Variants in SEMA4D observed in about 807,000 individuals in gnomAD.
The protein encoded by SEMA4D is semaphorin 4D.
Under a neutral mutation model 74.8 loss-of-function variants are expected in SEMA4D, and 22 were observed. The observed-to-expected ratio is 0.29, with a 90% CI of 0.21 to 0.42. The LOEUF (loss-of-function observed/expected upper bound fraction) is 0.42. SEMA4D is among the 10% of genes least tolerant of loss of function. The pLI is 1.00. For missense variants in SEMA4D, 937 were observed against 1,118.4 expected (o/e 0.84, Z 2.31); for synonymous variants, 445 against 463.7 (o/e 0.96, Z 0.52).
rs1017220300 is a variant in SEMA4D at position 89,397,072 on chromosome 9, C to T, written c.316-237G>A. Among the ~76,000 whole-genome samples the T allele has an allele frequency of 1.4e-4, 22 of 152,296 alleles. No individual in the cohort carries two copies. In the Middle Eastern group the frequency reaches 0.01, roughly 71 times the overall value. ...TCGTACAGTGGAAGGTTCACTGAGA[C>T]CCCAACCCCACCCCTAGGCAAACCT... On this transcript the variant is annotated intron_variant, in intron 5 of 15. Coordinates refer to ENST00000422704, the MANE Select transcript of SEMA4D (RefSeq NM_001371194.2).
At chr9:89,461,416 G>A (rs1437931337) in intron 1 of SEMA4D, among the ~76,000 whole-genome samples, 1 of 152,126 alleles carries the variant, frequency 6.6e-6, no homozygotes, top group Non-Finnish European at 1.5e-5. Context: ...AATAGATAAA[G>A]CAGCACTCGG....
intron 11 of SEMA4D, 133 bp downstream of exon 11, chr9:89,388,503 G>C: frequency 9.4e-7 from 1 of 1,068,116 alleles, no homozygotes; most frequent in East Asian, 2.7e-5. Flanking sequence ...CTCATCGGCC[G>C]TCCCTGTCCC....
Position 89,389,025 on chromosome 9 carries a change from G to A in SEMA4D, c.797C>T (p.Thr266Ile), listed in dbSNP as rs758200365. The A allele has an allele frequency of 3.7e-6, 6 of 1,613,990 alleles. No individual in the cohort carries two copies. Among genetic ancestry groups the A allele is most frequent in the Non-Finnish European group, 5.1e-6 (6 of 1,180,016 alleles). Reference protein sequence around the residue: ...VCKGDQGGLRTLQKKWTSFLK... With the variant: ...VCKGDQGGLRILQKKWTSFLK... The stretch of plus-strand genomic sequence containing the variant: ...GAAGGAGGTCCATTTCTTCTGCAAG[G>A]TCCTCAGGCCGCCCTGGTCCCCCTA... Residue 266 changes from threonine (T) to isoleucine (I), a missense_variant, in exon 10 of 16, where the codon ACC becomes ATC. Coordinates refer to ENST00000422704, the MANE Select transcript of SEMA4D (RefSeq NM_001371194.2).
chr9:89,439,260 A>G (rs1328982006), intron 2 of SEMA4D, among the ~76,000 whole-genome samples: 1 of 152,152 alleles, frequency 6.6e-6, no homozygotes, highest in Non-Finnish European at 1.5e-5. Context: ...GATTACAGGC[A>G]TGAGCCACCG....
chr9:89,378,905 T>C lies in SEMA4D; in HGVS notation c.2388A>G (p.Pro796=). The C allele has an allele frequency of 1.2e-6, 2 of 1,614,234 alleles. No individual in the cohort carries two copies. The highest frequency in any genetic ancestry group is 1.6e-4 in the Middle Eastern group (1 of 6,062). The change falls in exon 16 of 16, where the codon CCA becomes CCG. Residue 796 remains proline, a synonymous_variant. Coordinates refer to ENST00000422704, the MANE Select transcript of SEMA4D (RefSeq NM_001371194.2). ...EQSLKETLVE[P]GSFSQQNGEH... ...CCCCATTCTGCTGGGAGAAGCTCCCTGGCTCTACTAACGTCTCCTTCAGGC... is the reference window on the plus strand; with the variant it reads ...CCCCATTCTGCTGGGAGAAGCTCCCCGGCTCTACTAACGTCTCCTTCAGGC...
intron 2 of SEMA4D, among the ~76,000 whole-genome samples, chr9:89,426,697 C>T (rs1344829185): frequency 6.6e-6 from 1 of 152,182 alleles, no homozygotes; most frequent in Non-Finnish European, 1.5e-5. Context: ...CTACCAGCCC[C>T]CAAAGCCCCT....
intron 12 of SEMA4D, chr9:89,387,076 GC>G (rs1838691640): frequency 6.3e-6 from 2 of 317,830 alleles, no homozygotes; most frequent in Non-Finnish European, 1.2e-5. Context: ...GCTCACACCT[GC>G]CCCCTGCGTG....
At chr9:89,385,687 G>T in intron 13 of SEMA4D, 1 of 542,192 alleles carries the variant, frequency 1.8e-6, no homozygotes, top group Non-Finnish European at 2.4e-6. Context: ...AGGGGTGTTT[G>T]CAAATACGCA....
chr9:89,388,014 C>A (rs1447274537), intron 11 of SEMA4D, among the ~76,000 whole-genome samples: 2 of 152,180 alleles, frequency 1.3e-5, no homozygotes, highest in Non-Finnish European at 2.9e-5. Flanking sequence ...TTTTCCTGTT[C>A]TAGCTCCCTG....
intron 1 of SEMA4D, among the ~76,000 whole-genome samples, chr9:89,478,631 C>T (rs1282828192): frequency 1.3e-5 from 2 of 152,084 alleles, no homozygotes; most frequent in African/African-American, 4.8e-5. Context: ...AGAAAGCCCC[C>T]AATACACAGA....
At position 89,477,000 on chromosome 9, in the gene SEMA4D, G is replaced by A. The variant is rs76678464; in HGVS notation, c.-310+20919C>T. ...GTACTACCATGTCAAATTCTCCCCAGGCCATTTCACTTTAGACAAGCTGGA... is the reference window on the plus strand; with the variant it reads ...GTACTACCATGTCAAATTCTCCCCAAGCCATTTCACTTTAGACAAGCTGGA... On this transcript the variant is annotated intron_variant, in intron 1 of 15. Transcript: ENST00000422704. 6.2e-3 allele frequency among the ~76,000 whole-genome samples: 942 copies of A among 152,270 alleles called. 9 individuals carry two copies. Among genetic ancestry groups the A allele is most frequent in the African/African-American group, 0.02 (826 of 41,540 alleles).
chr9:89,392,372 C>T (rs1438102115), intron 8 of SEMA4D, 51 bp downstream of exon 8: 1 of 1,332,762 alleles, frequency 7.5e-7, no homozygotes, highest in East Asian at 2.3e-5. Flanking sequence ...AACAGGTGTG[C>T]ACTCATGAGG....
chr9:89,412,772 C>T (rs1844810905), intron 2 of SEMA4D, among the ~76,000 whole-genome samples: 1 of 152,234 alleles, frequency 6.6e-6, no homozygotes, highest in African/African-American at 2.4e-5. Context: ...CCCCATGCCA[C>T]ATACTGCTCC....
intron 2 of SEMA4D, among the ~76,000 whole-genome samples, chr9:89,432,022 C>G (rs541988860): frequency 1.6e-4 from 23 of 143,128 alleles, no homozygotes; most frequent in Non-Finnish European, 3.0e-5. Flanking sequence ...TCTGCCATGA[C>G]AAGCCCTGAC....
intron 2 of SEMA4D, among the ~76,000 whole-genome samples, chr9:89,443,724 C>T (rs565388607): frequency 1.9e-4 from 29 of 152,366 alleles, no homozygotes; most frequent in Non-Finnish European, 3.1e-4. Flanking sequence ...AACTCTCTAC[C>T]CTCCCTCCAC....
Position 89,450,222 on chromosome 9 carries a change from G to T in SEMA4D, c.-244+5666C>A. 13 of 1,234,426 alleles carry T rather than the reference G, an allele frequency of 1.1e-5. No individual in the cohort carries two copies. The South Asian group carries it at 1.2e-4, about 11-fold the overall frequency. The allele number at this position is 1,234,426 out of a possible 1,614,324, so 76.5% of individuals were successfully genotyped here. A position where few individuals can be genotyped will look rare whatever the true frequency, so the allele number is the denominator to read the frequency against. ...TGAAAAAGCTGAATTTGAGGTACAT[G>T]AAGTATATGCTGTGGATGTTCTCAT... On this transcript the variant is annotated intron_variant, in intron 2 of 15. Transcript: ENST00000422704.
intron 1 of SEMA4D, among the ~76,000 whole-genome samples, chr9:89,477,438 A>G (rs78799418): frequency 0.011 from 1,729 of 152,346 alleles, 37 homozygotes; most frequent in African/African-American, 0.04. Flanking sequence ...ATGTACACCA[A>G]GGAAAACAGT....
At chr9:89,481,570 C>T (rs945546970) in intron 1 of SEMA4D, among the ~76,000 whole-genome samples, 1 of 152,238 alleles carries the variant, frequency 6.6e-6, no homozygotes, top group African/African-American at 2.4e-5. Flanking sequence ...GCCGAGAGGG[C>T]AGCAGACACC....
chr9:89,412,931 G>A (rs1844847054), intron 2 of SEMA4D, among the ~76,000 whole-genome samples: 1 of 152,122 alleles, frequency 6.6e-6, no homozygotes, highest in Admixed American at 6.5e-5. Context: ...TGCCGGCCCT[G>A]CGAGTTCTTT....
Sources: allele counts gnomAD v4.1 joint callset (sites outside exome capture counted in the v4.1 genomes callset), GRCh38; gene constraint gnomAD v4.1.1; transcripts MANE v1.5; gene names NCBI Gene and HGNC (gene_info 2026-07-23, HGNC 2026-07-21).